Variants in MIER3 observed in about 807,000 individuals in gnomAD.
The protein encoded by MIER3 is mesoderm induction early response protein 3.
A neutral mutation model predicts 63.2 loss-of-function variants in MIER3; 9 were observed. That is an observed-to-expected ratio of 0.14 (90% confidence interval 0.09 to 0.25). MIER3 has a LOEUF of 0.25. MIER3 is among the 10% of genes least tolerant of loss of function. MIER3 has a pLI of 1.00. For synonymous variants in MIER3, 205 were observed against 224.9 expected, an observed-to-expected ratio of 0.91 and a Z score of 0.79; for missense variants, 512 against 666.2, an observed-to-expected ratio of 0.77 and a Z score of 2.55.
chr5:56,933,661 G>A (rs1750349701), intron 7 of MIER3, among the ~76,000 whole-genome samples: 1 of 152,084 alleles, frequency 6.6e-6, no homozygotes. Flanking sequence ...GGCTCTCCAT[G>A]CCTAGTAAAG....
intron 2 of MIER3, 66 bp from the exon 3 acceptor site, chr5:56,947,137 T>C (rs1053652306): frequency 1.2e-5 from 18 of 1,518,908 alleles, no homozygotes; most frequent in Non-Finnish European, 1.5e-5. Context: ...AAATAAAAAT[T>C]TGTGTTCTTC....
intron 3 of MIER3, among the ~76,000 whole-genome samples, chr5:56,943,497 C>T (rs943256515): frequency 1.8e-4 from 27 of 152,032 alleles, no homozygotes; most frequent in African/African-American, 6.5e-4. Flanking sequence ...CTCAAGAAAA[C>T]CCCGCTTTTC....
intron 7 of MIER3, 39 bp from the exon 8 acceptor site, chr5:56,933,437 A>G (rs1561237471): frequency 6.5e-7 from 1 of 1,545,918 alleles, no homozygotes; most frequent in Non-Finnish European, 8.7e-7. Flanking sequence ...AAAAATCATG[A>G]ACGCACTCAA....
In MIER3 at chr5:56,919,967, A is replaced by G. The variant is rs1294682701; in HGVS notation, c.*3161T>C. The G allele has an allele frequency of 1.3e-5, 2 of 152,604 alleles. No individual in the cohort carries two copies. Among genetic ancestry groups the G allele is most frequent in the East Asian group, 3.8e-4 (2 of 5,198 alleles). The allele number at this position is 152,604 out of a possible 1,614,324, so 9.5% of individuals were successfully genotyped here. A position where few individuals can be genotyped will look rare whatever the true frequency, so the allele number is the denominator to read the frequency against. ...TTATTTCAATTTCCATTTGTAGACA[A>G]TGTGCTTTGAAACTCTGGGCAAACA... On this transcript the variant is annotated 3_prime_UTR_variant, in exon 13 of 13. Coordinates refer to ENST00000381199, the MANE Select transcript of MIER3 (RefSeq NM_001297599.2).
chr5:56,940,080 A>G (rs558238531), intron 3 of MIER3, among the ~76,000 whole-genome samples: 1 of 152,320 alleles, frequency 6.6e-6, no homozygotes, highest in South Asian at 2.1e-4. Context: ...CTGTAATCCT[A>G]GCATTTTGGG....
intron 4 of MIER3, chr5:56,938,440 A>G (rs1413350150): frequency 8.6e-6 from 4 of 464,604 alleles, no homozygotes; most frequent in African/African-American, 2.0e-5. Context: ...AGCCTACGTT[A>G]GAGATGGATC....
chr5:56,935,868 A>ACCACC, intron 5 of MIER3, 117 bp from the exon 6 acceptor site: 1 of 706,614 alleles, frequency 1.4e-6, no homozygotes, highest in South Asian at 1.8e-5. Flanking sequence ...AGTATACTAA[A>ACCACC]CCACCTGCAT....
intron 1 of MIER3, among the ~76,000 whole-genome samples, 175 bp downstream of exon 1, chr5:56,951,918 CG>C (rs1361875010): frequency 6.7e-6 from 1 of 149,998 alleles, no homozygotes; most frequent in African/African-American, 2.4e-5. Flanking sequence ...CGCCCGCTCC[CG>C]CCCCCCGGCC....
intron 5 of MIER3, among the ~76,000 whole-genome samples, chr5:56,936,114 G>A (rs890401243): frequency 3.3e-5 from 5 of 152,106 alleles, no homozygotes; most frequent in African/African-American, 4.8e-5. Flanking sequence ...CTACTCGGGA[G>A]GCTGAGGCAG....
intron 8 of MIER3, among the ~76,000 whole-genome samples, chr5:56,931,150 C>T (rs10056507): frequency 0.022 from 3,300 of 152,262 alleles, 127 homozygotes; most frequent in African/African-American, 0.076. Context: ...TATAAGGGAA[C>T]AGCAGCAGGC....
At chr5:56,924,965 G>C (rs1423584777) in intron 10 of MIER3, among the ~76,000 whole-genome samples, 1 of 152,208 alleles carries the variant, frequency 6.6e-6, no homozygotes, top group Non-Finnish European at 1.5e-5. Flanking sequence ...CGCAGAGAAT[G>C]CAGGCTTCGT....
chr5:56,935,355 C>T, intron 7 of MIER3, 73 bp downstream of exon 7: 1 of 1,157,170 alleles, frequency 8.6e-7, no homozygotes, highest in Non-Finnish European at 1.2e-6. Context: ...GGTATAAAGC[C>T]AGATATTTAA....
rs774572005 is a variant in MIER3 at position 56,923,901 on chromosome 5, G to T, written c.1052+14C>A. 1 of 1,613,860 alleles carries T rather than the reference G, an allele frequency of 6.2e-7. No homozygotes were observed. Among genetic ancestry groups the T allele is most frequent in the African/African-American group, 1.3e-5 (1 of 74,892 alleles). ...TTAAAAGTAAGTCTTTGAAGGCAAG[G>T]CCACAGTACTTACGTAACTCCAGGG... is the stretch of plus-strand genomic sequence containing the variant. On this transcript the variant is annotated intron_variant, in intron 11 of 12. Transcript: ENST00000381199.
chr5:56,948,936 T>C lies in MIER3; in HGVS notation c.34+1692A>G, dbSNP rs186182620. On this transcript the variant is annotated intron_variant, in intron 2 of 12. Transcript: ENST00000381199. ...GGTCAAAAATCGAAGGACCTGAGGG[T>C]CTACTCCCAGCTTTGTCCTTGGCTT... Among the ~76,000 whole-genome samples the C allele has an allele frequency of 3.9e-4, 60 of 152,252 alleles. 2 individuals carry two copies. In the East Asian group the frequency reaches 0.01, roughly 26 times the overall value.
Position 56,950,606 on chromosome 5 carries a change from G to A in MIER3, c.34+22C>T, listed in dbSNP as rs111513903. On this transcript the variant is annotated intron_variant, in intron 2 of 12. Coordinates refer to ENST00000381199, the MANE Select transcript of MIER3 (RefSeq NM_001297599.2). ...ACATTACCCACTGGGAACCACCGAA[G>A]ACGTAAGAAAATAGGACAAACCTGG... The A allele has an allele frequency of 3.7e-6, 6 of 1,613,828 alleles. No homozygotes were observed. The African/African-American group carries it at 5.3e-5, about 14-fold the overall frequency.
chr5:56,930,895 C>T (rs1468687299), intron 8 of MIER3, 150 bp from the exon 9 acceptor site: 1 of 659,564 alleles, frequency 1.5e-6, no homozygotes, highest in African/African-American at 1.8e-5. Context: ...TTTGCCCAAG[C>T]ATTTAGTCTA....
At chr5:56,925,917 G>A (rs1259258468) in intron 10 of MIER3, among the ~76,000 whole-genome samples, 3 of 152,060 alleles carry the variant, frequency 2.0e-5, no homozygotes, top group Non-Finnish European at 4.4e-5. Flanking sequence ...TAAAGGAACA[G>A]AAGAGAGAGC....
At chr5:56,951,130 C>T (rs564894023) in intron 1 of MIER3, among the ~76,000 whole-genome samples, 1 of 152,184 alleles carries the variant, frequency 6.6e-6, no homozygotes, top group South Asian at 2.1e-4. Context: ...CGAAGCCGAT[C>T]TCTTCCCCTG....
At chr5:56,930,821 G>C in intron 8 of MIER3, 76 bp from the exon 9 acceptor site, 1 of 1,170,948 alleles carries the variant, frequency 8.5e-7, no homozygotes, top group Non-Finnish European at 1.3e-6. Context: ...TAAGAGTTTT[G>C]ATAAATATTG....
Sources: gnomAD v4.1 joint callset for allele counts (sites outside exome capture counted in the v4.1 genomes callset) on GRCh38, gnomAD v4.1.1 for gene constraint, MANE v1.5 for transcripts, NCBI Gene and HGNC (gene_info 2026-07-23, HGNC 2026-07-21) for gene names.